CDH13: variants seen among roughly 807,000 people sequenced by gnomAD.
CDH13 encodes the protein cadherin 13, also known as cadherin-13.
A neutral mutation model predicts 63.8 loss-of-function variants in CDH13; 24 were observed. That is an observed-to-expected ratio of 0.38 (90% CI 0.27 to 0.53). The LOEUF (loss-of-function observed/expected upper bound fraction) is 0.53, where lower values mean the gene tolerates loss of function less well. Ranked by LOEUF, CDH13 falls within the 20% of genes least tolerant of loss-of-function variation. CDH13 has a pLI of 0.85. For synonymous variants in CDH13, 503 were observed against 355.3 expected, an observed-to-expected ratio of 1.42 and a Z score of -4.67; for missense variants, 1,049 against 903.1, an observed-to-expected ratio of 1.16 and a Z score of -2.07.
intron 13 of CDH13, among the ~76,000 whole-genome samples, chr16:83,792,558 G>A (rs1245924224): frequency 1.3e-5 from 2 of 152,176 alleles, no homozygotes; most frequent in Non-Finnish European, 2.9e-5. Flanking sequence ...CTGGCAGGAC[G>A]CCACTAGTGG....
intron 1 of CDH13, among the ~76,000 whole-genome samples, chr16:82,849,785 C>T (rs112825546): frequency 9.2e-5 from 14 of 152,298 alleles, no homozygotes; most frequent in Admixed American, 2.0e-4. Flanking sequence ...TTGCAAACAT[C>T]TTAGGGCCCT....
chr16:82,678,598 T>C (rs908691316), intron 1 of CDH13, among the ~76,000 whole-genome samples: 1 of 152,094 alleles, frequency 6.6e-6, no homozygotes, highest in Non-Finnish European at 1.5e-5. Context: ...GTAAGGAGGG[T>C]GAATCTCTGC....
chr16:82,710,841 A>G (rs1409643556), intron 1 of CDH13, among the ~76,000 whole-genome samples: 1 of 151,006 alleles, frequency 6.6e-6, no homozygotes, highest in African/African-American at 2.4e-5. Context: ...ACTTTTATAC[A>G]TAAATGTGTA....
intron 10 of CDH13, 53 bp downstream of exon 10, chr16:83,678,514 C>T: frequency 1.2e-6 from 2 of 1,602,802 alleles, no homozygotes; most frequent in Non-Finnish European, 1.7e-6. Flanking sequence ...AATGGCTTTT[C>T]CTTTCCAGTC....
intron 1 of CDH13, among the ~76,000 whole-genome samples, chr16:82,820,938 C>G (rs2037975745): frequency 1.3e-5 from 2 of 152,052 alleles, no homozygotes; most frequent in Non-Finnish European, 2.9e-5. Flanking sequence ...CCCGGTAAGT[C>G]TGTGGGACCT....
intron 10 of CDH13, among the ~76,000 whole-genome samples, chr16:83,700,057 C>G (rs1905985305): frequency 6.6e-6 from 1 of 152,204 alleles, no homozygotes; most frequent in African/African-American, 2.4e-5. Context: ...GTCCTGGACT[C>G]CTTTGGCATC....
At chr16:83,758,444 T>G (rs1913692534) in intron 11 of CDH13, among the ~76,000 whole-genome samples, 1 of 151,958 alleles carries the variant, frequency 6.6e-6, no homozygotes, top group Non-Finnish European at 1.5e-5. Context: ...CTAGGAAACT[T>G]TTTTAGTCTA....
At chr16:83,531,659 A>G (rs1357728866) in intron 7 of CDH13, among the ~76,000 whole-genome samples, 1 of 152,210 alleles carries the variant, frequency 6.6e-6, no homozygotes, top group Non-Finnish European at 1.5e-5. Flanking sequence ...TATTGACTGA[A>G]GAAGAGGGAG....
intron 1 of CDH13, among the ~76,000 whole-genome samples, chr16:82,766,090 A>G (rs1720219961): frequency 6.6e-6 from 1 of 152,198 alleles, no homozygotes; most frequent in Non-Finnish European, 1.5e-5. Context: ...GCTGCCCCCA[A>G]AATATTTTCC....
At chr16:83,512,705 TAAAG>T (rs2074602176) in intron 7 of CDH13, among the ~76,000 whole-genome samples, 2 of 151,212 alleles carry the variant, frequency 1.3e-5, no homozygotes, top group Admixed American at 6.6e-5. Context: ...ATAATAGTAA[TAAAG>T]AAAGTACATG....
At chr16:83,723,895 G>A (rs1910014763) in intron 10 of CDH13, among the ~76,000 whole-genome samples, 3 of 152,186 alleles carry the variant, frequency 2.0e-5, no homozygotes. Flanking sequence ...TGGATGGATG[G>A]ATAGATGGAT....
At chr16:83,471,491 G>C (rs2073451642) in intron 6 of CDH13, among the ~76,000 whole-genome samples, 1 of 152,108 alleles carries the variant, frequency 6.6e-6, no homozygotes, top group African/African-American at 2.4e-5. Flanking sequence ...GGCCAGGCTG[G>C]TCTTGAACTT....
At chr16:83,026,389 C>CA (rs1915802928) in intron 2 of CDH13, among the ~76,000 whole-genome samples, 1 of 152,188 alleles carries the variant, frequency 6.6e-6, no homozygotes, top group East Asian at 1.9e-4. Context: ...CTCTGAGACT[C>CA]AGTCTCTTCT....
Position 83,527,991 on chromosome 16 carries a change from C to T in CDH13, c.960+41336C>T, listed in dbSNP as rs1453632715. 6.6e-5 allele frequency among the ~76,000 whole-genome samples: 10 copies of T among 152,090 alleles called. No individual in the cohort carries two copies. The East Asian group carries it at 1.2e-3, about 18-fold the overall frequency. Reference sequence around the variant, plus strand: ...TGAGTTCGGTGACTTTCTAAGGGCACGCAGGGAGTTTATCGGGAAGGCCAG... The same window carrying T: ...TGAGTTCGGTGACTTTCTAAGGGCATGCAGGGAGTTTATCGGGAAGGCCAG... On this transcript the variant is annotated intron_variant, in intron 7 of 13. Transcript: ENST00000567109.
At chr16:83,476,749 A>G (rs545977732) in intron 6 of CDH13, among the ~76,000 whole-genome samples, 17 of 152,346 alleles carry the variant, frequency 1.1e-4, no homozygotes, top group Admixed American at 5.9e-4. Context: ...TTAAGAGTTT[A>G]TGGAAAAATA....
chr16:83,288,250 G>A (rs889310819), intron 5 of CDH13, among the ~76,000 whole-genome samples: 46 of 152,232 alleles, frequency 3.0e-4, no homozygotes, highest in African/African-American at 1.0e-3. Context: ...CACTCTTAGC[G>A]CCTGTCCTTG....
intron 5 of CDH13, among the ~76,000 whole-genome samples, chr16:83,271,650 T>A (rs148533349): frequency 9.8e-4 from 149 of 151,976 alleles, no homozygotes; most frequent in African/African-American, 3.1e-3. Context: ...AGAAAATAAT[T>A]CACAATACTC....
At chr16:83,513,235 A>G (rs2074616737) in intron 7 of CDH13, among the ~76,000 whole-genome samples, 4 of 152,156 alleles carry the variant, frequency 2.6e-5, no homozygotes, top group Admixed American at 2.6e-4. Flanking sequence ...TCACATCTGA[A>G]TATCTGAGTT....
chr16:83,260,004 T>C (rs574160891), intron 5 of CDH13, among the ~76,000 whole-genome samples: 1 of 152,094 alleles, frequency 6.6e-6, no homozygotes, highest in South Asian at 2.1e-4. Context: ...CGGAAGAATT[T>C]CTGGTAATAG....
Sources: allele counts gnomAD v4.1 joint callset (sites outside exome capture counted in the v4.1 genomes callset), GRCh38; gene constraint gnomAD v4.1.1; transcripts MANE v1.5; gene names NCBI Gene and HGNC (gene_info 2026-07-23, HGNC 2026-07-21).